NBEA: variants seen among roughly 807,000 people sequenced by gnomAD.
NBEA encodes lysosomal-trafficking regulator 2.
Under a neutral mutation model 343.4 loss-of-function variants are expected in NBEA, and 44 were observed. The observed-to-expected ratio is 0.13, with a 90% CI of 0.10 to 0.16. NBEA has a LOEUF of 0.16. Ranked by LOEUF, NBEA falls within the 10% of genes least tolerant of loss-of-function variation. The pLI is 1.00. For missense variants in NBEA, 2,555 were observed against 3,631.3 expected (o/e 0.70, Z 7.62); for synonymous variants, 1,175 against 1,238.7 (o/e 0.95, Z 1.08).
intron 33 of NBEA, among the ~76,000 whole-genome samples, chr13:35,229,062 G>A (rs2074824243): frequency 6.6e-6 from 1 of 152,086 alleles, no homozygotes; most frequent in African/African-American, 2.4e-5. Flanking sequence ...TAGGGGTCTT[G>A]CTCTGTTACC....
intron 39 of NBEA, among the ~76,000 whole-genome samples, chr13:35,435,187 A>G (rs1003839756): frequency 6.6e-6 from 1 of 151,896 alleles, no homozygotes; most frequent in East Asian, 1.9e-4. Context: ...ACTCTTTTGA[A>G]TTTTTAGTAG....
At chr13:35,626,235 G>A (rs752023126) in intron 48 of NBEA, among the ~76,000 whole-genome samples, 5 of 152,144 alleles carry the variant, frequency 3.3e-5, no homozygotes, top group Non-Finnish European at 5.9e-5. Context: ...AAGGGCACAT[G>A]CAAACAAAAG....
At chr13:35,247,066 A>G (rs2031314110) in intron 34 of NBEA, among the ~76,000 whole-genome samples, 1 of 152,124 alleles carries the variant, frequency 6.6e-6, no homozygotes, top group Non-Finnish European at 1.5e-5. Flanking sequence ...AGGGAAGTGC[A>G]GGAAAGCCAG....
At chr13:34,948,857 C>A (rs1173911749) in intron 1 of NBEA, among the ~76,000 whole-genome samples, 1 of 152,060 alleles carries the variant, frequency 6.6e-6, no homozygotes, top group African/African-American at 2.4e-5. Flanking sequence ...AACTTCGGTC[C>A]AAGTTAGCAT....
At chr13:35,204,486 A>AG (rs1179458439) in intron 31 of NBEA, among the ~76,000 whole-genome samples, 2 of 152,122 alleles carry the variant, frequency 1.3e-5, no homozygotes, top group Admixed American at 6.6e-5. Context: ...CACTATCACG[A>AG]GAATAACACA....
At chr13:35,223,455 C>T (rs995569276) in intron 33 of NBEA, among the ~76,000 whole-genome samples, 2 of 152,176 alleles carry the variant, frequency 1.3e-5, no homozygotes, top group African/African-American at 4.8e-5. Flanking sequence ...AAAGGGATTT[C>T]ATCTCATTTC....
At chr13:35,566,489 G>A (rs1016501049) in intron 44 of NBEA, among the ~76,000 whole-genome samples, 2 of 152,182 alleles carry the variant, frequency 1.3e-5, no homozygotes, top group African/African-American at 4.8e-5. Flanking sequence ...CTCTGCTTCC[G>A]GGGTTGCAAT....
intron 8 of NBEA, among the ~76,000 whole-genome samples, chr13:35,065,223 T>A (rs1566230941): frequency 6.6e-6 from 1 of 151,994 alleles, no homozygotes; most frequent in Non-Finnish European, 1.5e-5. Flanking sequence ...TTGAAAGCCA[T>A]TTTGCCTGGC....
intron 38 of NBEA, among the ~76,000 whole-genome samples, chr13:35,374,675 C>G (rs1290846674): frequency 1.3e-5 from 2 of 151,922 alleles, no homozygotes; most frequent in Non-Finnish European, 2.9e-5. Context: ...TAAAAGGAAA[C>G]CTAAATAATA....
chr13:35,279,503 T>A (rs1423873281), intron 34 of NBEA, among the ~76,000 whole-genome samples: 46 of 152,210 alleles, frequency 3.0e-4, no homozygotes, highest in Admixed American at 3.0e-3. Context: ...GGATAAACCC[T>A]AACATTAAAA....
intron 41 of NBEA, among the ~76,000 whole-genome samples, chr13:35,513,019 T>C (rs1190917528): frequency 6.6e-6 from 1 of 152,182 alleles, no homozygotes; most frequent in Non-Finnish European, 1.5e-5. Context: ...TATACAGGTT[T>C]TTTTAAAACT....
chr13:35,247,929 A>G (rs2031446404), intron 34 of NBEA, among the ~76,000 whole-genome samples: 1 of 152,230 alleles, frequency 6.6e-6, no homozygotes, highest in Non-Finnish European at 1.5e-5. Flanking sequence ...AGTAGGCATT[A>G]TAACCAATGC....
intron 1 of NBEA, among the ~76,000 whole-genome samples, chr13:35,026,020 C>T (rs1056185279): frequency 6.6e-6 from 1 of 151,930 alleles, no homozygotes; most frequent in Non-Finnish European, 1.5e-5. Context: ...CCAAGTCTCA[C>T]CTTGAATTGT....
At chr13:35,287,298 C>T (rs1027605955) in intron 34 of NBEA, among the ~76,000 whole-genome samples, 34 of 152,034 alleles carry the variant, frequency 2.2e-4, no homozygotes, top group African/African-American at 7.7e-4. Flanking sequence ...TGGGGAGGCA[C>T]ATATGTACAG....
chr13:35,617,694 T>A (rs528551955), intron 48 of NBEA, among the ~76,000 whole-genome samples: 30 of 152,292 alleles, frequency 2.0e-4, no homozygotes, highest in Non-Finnish European at 3.8e-4. Flanking sequence ...CAACTTGAAG[T>A]TTTCCTTCAT....
At chr13:35,522,609 C>T (rs1049285282) in intron 41 of NBEA, among the ~76,000 whole-genome samples, 4 of 151,710 alleles carry the variant, frequency 2.6e-5, no homozygotes, top group Non-Finnish European at 2.9e-5. Context: ...TCCCCTGCGA[C>T]GGTACCAGTC....
chr13:35,656,403 A>C (rs370293199), intron 55 of NBEA, among the ~76,000 whole-genome samples: 1 of 152,246 alleles, frequency 6.6e-6, no homozygotes, highest in Non-Finnish European at 1.5e-5. Context: ...AACTTTCTAC[A>C]TAAGCTCTGA....
At chr13:35,432,180 C>A in intron 38 of NBEA, 89 bp from the exon 39 acceptor site, 1 of 1,158,450 alleles carries the variant, frequency 8.6e-7, no homozygotes, top group South Asian at 2.1e-5. Flanking sequence ...TCAATGAGAC[C>A]AACAAAATAA....
intron 45 of NBEA, among the ~76,000 whole-genome samples, chr13:35,582,281 A>G: frequency 6.6e-6 from 1 of 152,144 alleles, no homozygotes; most frequent in Non-Finnish European, 1.5e-5. Context: ...GCGAGACTCC[A>G]TCTCAAAAAA....
Sources: allele counts gnomAD v4.1 joint callset (sites outside exome capture counted in the v4.1 genomes callset), GRCh38; gene constraint gnomAD v4.1.1; transcripts MANE v1.5; gene names NCBI Gene and HGNC (gene_info 2026-07-23, HGNC 2026-07-21).